The following THRB variants were observed in gnomAD, a reference collection of about 807,000 sequenced individuals.
The protein encoded by THRB is thyroid hormone receptor beta, also known as nuclear receptor subfamily 1 group A member 2.
In THRB, 12 loss-of-function variants were observed where a neutral mutation model predicts 47.8. The ratio of observed to expected loss-of-function variants is 0.25; its 90% CI spans 0.16 to 0.41. The LOEUF (loss-of-function observed/expected upper bound fraction) is 0.41, where lower values mean the gene tolerates loss of function less well. Ranked by LOEUF, THRB falls within the 10% of genes least tolerant of loss-of-function variation. The pLI is 1.00. For missense variants in THRB, 348 were observed against 589.2 expected, an observed-to-expected ratio of 0.59 and a Z score of 4.24; for synonymous variants, 218 against 212.2, an observed-to-expected ratio of 1.03 and a Z score of -0.24.
chr3:24,357,692 G>A (rs1374175149), intron 1 of THRB, among the ~76,000 whole-genome samples: 1 of 151,924 alleles, frequency 6.6e-6, no homozygotes, highest in Admixed American at 6.6e-5. Context: ...GTCCACTTCT[G>A]AGGGGGTTAC....
At chr3:24,356,952 G>A (rs1182860495) in intron 1 of THRB, among the ~76,000 whole-genome samples, 1 of 151,660 alleles carries the variant, frequency 6.6e-6, no homozygotes, top group African/African-American at 2.4e-5. Flanking sequence ...TGGGTTATAG[G>A]AAGGTAAAGA....
intron 7 of THRB, among the ~76,000 whole-genome samples, chr3:24,146,220 T>G (rs2036082131): frequency 6.6e-6 from 1 of 152,190 alleles, no homozygotes. Context: ...TCCAAAAATG[T>G]CCATAAAATA....
At chr3:24,480,176 A>AT (rs1438084584) in intron 1 of THRB, among the ~76,000 whole-genome samples, 1 of 152,114 alleles carries the variant, frequency 6.6e-6, no homozygotes, top group Non-Finnish European at 1.5e-5. Flanking sequence ...TTGCACTTGA[A>AT]TTTTCATCTC....
At chr3:24,450,180 A>C (rs4569583) in intron 1 of THRB, among the ~76,000 whole-genome samples, 29 of 152,176 alleles carry the variant, frequency 1.9e-4, no homozygotes, top group African/African-American at 6.3e-4. Context: ...AAACTTCCAC[A>C]GGTATAATGT....
At position 24,190,244 on chromosome 3, in the gene THRB, T is replaced by G. The variant is rs755653928; in HGVS notation, c.113A>C (p.His38Pro). The change falls in exon 5 of 11, where the codon CAT becomes CCT. Residue 38 changes from histidine to proline, a missense_variant. Physicochemically the swap from His to Pro is moderately conservative, Grantham distance 77. Around this residue, in one of 5 missense-constraint regions of THRB, gnomAD observed 148 missense variants for 122.3 expected, o/e 1.21. Transcript: ENST00000646209. ...GCGCCTCTCTGAATGGCTCTTCCTA[T>G]GTAGGCAGGCTTCAGACATTCCTAC... The part of the protein sequence containing the change: ...KLVGMSEACL[H>P]RKSHSERRST... 1.2e-6 allele frequency: 2 copies of G among 1,614,104 alleles called. No individual in the cohort carries two copies. The highest frequency in any genetic ancestry group is 1.7e-6 in the Non-Finnish European group (2 of 1,179,972).
intron 2 of THRB, among the ~76,000 whole-genome samples, chr3:24,306,628 G>T (rs1179585323): frequency 6.7e-6 from 1 of 149,850 alleles, no homozygotes. Context: ...CTGATCTCAG[G>T]TTTTTTTTTT....
chr3:24,233,878 C>G (rs2048595396), intron 3 of THRB, among the ~76,000 whole-genome samples: 1 of 152,152 alleles, frequency 6.6e-6, no homozygotes, highest in South Asian at 2.1e-4. Context: ...GGGGCCTTTC[C>G]CTGCCCTGCC....
At chr3:24,244,638 T>G (rs1235097323) in intron 3 of THRB, among the ~76,000 whole-genome samples, 1 of 152,144 alleles carries the variant, frequency 6.6e-6, no homozygotes, top group African/African-American at 2.4e-5. Flanking sequence ...CTTTTGAACT[T>G]ATAATGCCAA....
intron 3 of THRB, among the ~76,000 whole-genome samples, chr3:24,284,228 CAG>C (rs1288642291): frequency 1.3e-5 from 2 of 151,544 alleles, no homozygotes; most frequent in Non-Finnish European, 3.0e-5. Flanking sequence ...GGTACCAAAA[CAG>C]AGATATAGAT....
At chr3:24,151,264 T>A (rs998927571) in intron 6 of THRB, among the ~76,000 whole-genome samples, 1 of 152,122 alleles carries the variant, frequency 6.6e-6, no homozygotes, top group African/African-American at 2.4e-5. Flanking sequence ...CATAGGGAAT[T>A]TGCATGGAAA....
At chr3:24,489,908 G>A (rs1262811720) in intron 1 of THRB, among the ~76,000 whole-genome samples, 5 of 152,134 alleles carry the variant, frequency 3.3e-5, no homozygotes, top group Admixed American at 6.5e-5. Context: ...GAAGCTCACC[G>A]GTCTAAATAT....
intron 3 of THRB, among the ~76,000 whole-genome samples, chr3:24,230,373 A>T (rs2048131122): frequency 6.6e-6 from 1 of 152,216 alleles, no homozygotes; most frequent in African/African-American, 2.4e-5. Flanking sequence ...TCAACAATAT[A>T]TGTTGAACAA....
intron 1 of THRB, among the ~76,000 whole-genome samples, chr3:24,369,093 C>T (rs570263641): frequency 3.3e-5 from 5 of 152,130 alleles, no homozygotes; most frequent in African/African-American, 1.2e-4. Context: ...TCTCAAACTC[C>T]TGGCCTCAAG....
At chr3:24,428,488 C>T (rs540942791) in intron 1 of THRB, among the ~76,000 whole-genome samples, 3 of 152,122 alleles carry the variant, frequency 2.0e-5, no homozygotes, top group Admixed American at 6.6e-5. Flanking sequence ...GCCAGTGTTA[C>T]CAGCAGTGTT....
chr3:24,304,874 C>T (rs74330879), intron 2 of THRB, among the ~76,000 whole-genome samples: 11,619 of 151,966 alleles, frequency 0.076, 456 homozygotes, highest in African/African-American at 0.086. Context: ...TAGAACTAGC[C>T]CCATTGTAAT....
At chr3:24,392,744 T>G (rs998308735) in intron 1 of THRB, among the ~76,000 whole-genome samples, 1 of 152,172 alleles carries the variant, frequency 6.6e-6, no homozygotes, top group African/African-American at 2.4e-5. Flanking sequence ...TATAGTTATA[T>G]GAGTAACATT....
chr3:24,328,680 C>T (rs1419408262), intron 2 of THRB, among the ~76,000 whole-genome samples: 1 of 152,190 alleles, frequency 6.6e-6, no homozygotes, highest in African/African-American at 2.4e-5. Context: ...TGGAACTGCC[C>T]TAGCGCAGCC....
At chr3:24,484,261 A>G (rs1696926717) in intron 1 of THRB, among the ~76,000 whole-genome samples, 1 of 152,190 alleles carries the variant, frequency 6.6e-6, no homozygotes, top group Non-Finnish European at 1.5e-5. Flanking sequence ...AAATGTCTCA[A>G]TCACTTGAAT....
intron 1 of THRB, among the ~76,000 whole-genome samples, chr3:24,477,669 C>T (rs996259277): frequency 2.0e-5 from 3 of 151,942 alleles, no homozygotes; most frequent in African/African-American, 4.8e-5. Context: ...TTGTAGCTAA[C>T]GCTGCCAAAG....
Sources: gnomAD v4.1 joint callset for allele counts (sites outside exome capture counted in the v4.1 genomes callset) on GRCh38, gnomAD v4.1.1 for gene constraint, gnomAD v4.1.1 regional missense constraint, MANE v1.5 for transcripts, NCBI Gene and HGNC (gene_info 2026-07-23, HGNC 2026-07-21) for gene names.